The following GRID2IP variants were observed in gnomAD, a reference collection of about 807,000 sequenced individuals.
GRID2IP encodes the protein delphilin.
In GRID2IP, 78 loss-of-function variants were observed where a neutral mutation model predicts 114.3. That is an observed-to-expected ratio of 0.68 (90% CI 0.57 to 0.82). The LOEUF is 0.82. GRID2IP is among the 40% of genes least tolerant of loss of function. The probability of loss-of-function intolerance (pLI) is 0.00; values close to 1 mark genes in which losing one functional copy is unlikely to be tolerated. For synonymous variants in GRID2IP, 809 were observed against 724.0 expected (o/e 1.12, Z -1.89); for missense variants, 1,727 against 1,678.5 (o/e 1.03, Z -0.51).
intron 2 of GRID2IP, among the ~76,000 whole-genome samples, chr7:6,533,646 G>A (rs1779674494): frequency 6.6e-6 from 1 of 151,216 alleles, no homozygotes; most frequent in Non-Finnish European, 1.5e-5. Flanking sequence ...TTACAGGCAG[G>A]CACCACTGCC....
At chr7:6,510,256 A>AG in intron 11 of GRID2IP, 27 bp downstream of exon 11, 1 of 1,430,866 alleles carries the variant, frequency 7.0e-7, no homozygotes, top group Non-Finnish European at 9.6e-7. Flanking sequence ...ACACCCAGAC[A>AG]GTAGATGACA....
At chr7:6,535,781 T>C (rs535400916) in intron 2 of GRID2IP, among the ~76,000 whole-genome samples, 9 of 152,192 alleles carry the variant, frequency 5.9e-5, no homozygotes, top group Middle Eastern at 3.4e-3. Flanking sequence ...TCCCCTCTAC[T>C]CCCTGTTGGG....
intron 1 of GRID2IP, among the ~76,000 whole-genome samples, chr7:6,543,186 G>A (rs1445307045): frequency 6.6e-6 from 1 of 152,120 alleles, no homozygotes; most frequent in Non-Finnish European, 1.5e-5. Flanking sequence ...TCTGAAGTTA[G>A]GAGTTCGAGA....
chr7:6,538,281 A>G (rs1779759604), intron 2 of GRID2IP, among the ~76,000 whole-genome samples: 1 of 152,184 alleles, frequency 6.6e-6, no homozygotes, highest in Non-Finnish European at 1.5e-5. Context: ...CAGGAGGATC[A>G]CTTGAGCCCA....
At chr7:6,535,566 A>G (rs1175276377) in intron 2 of GRID2IP, among the ~76,000 whole-genome samples, 1 of 149,606 alleles carries the variant, frequency 6.7e-6, no homozygotes, top group East Asian at 2.0e-4. Context: ...TCAACCTCTC[A>G]CTTAAACCTT....
chr7:6,512,231 C>CTTGTTTTTTTTTTTTT (rs1157560127), intron 8 of GRID2IP, among the ~76,000 whole-genome samples: 1 of 90,196 alleles, frequency 1.1e-5, no homozygotes, highest in African/African-American at 4.6e-5. Context: ...TTCTTTTCTT[C>CTTGTTTTTTTTTTTTT]TTTTTTTTTT....
At position 6,526,257 on chromosome 7, in the gene GRID2IP, G is replaced by A; in HGVS notation, c.886C>T (p.His296Tyr). 1 of 1,551,944 alleles carries A rather than the reference G, an allele frequency of 6.4e-7. No homozygotes were observed. The highest frequency in any genetic ancestry group is 8.7e-7 in the Non-Finnish European group (1 of 1,147,014). The change falls in exon 4 of 22, where the codon CAC becomes TAC. Residue 296 changes from histidine (H) to tyrosine (Y), a missense_variant. Coordinates refer to ENST00000457091, the MANE Select transcript of GRID2IP (RefSeq NM_001145118.2). This position sits in a 1 kb window ranked among gnomAD's most constrained non-coding sequence, Gnocchi z 7.6. The stretch of plus-strand genomic sequence containing the variant: ...ACAGACTCGATCCAGACAGGCCCGT[G>A]GCCGCGAAGTGTGAAGCCGAAGCTC... Reference protein sequence around the residue: ...NKSFGFTLRGHGPVWIESVLP... With the variant: ...NKSFGFTLRGYGPVWIESVLP...
chr7:6,499,492 A>G (rs147888555), intron 20 of GRID2IP, among the ~76,000 whole-genome samples: 3,881 of 152,276 alleles, frequency 0.025, 75 homozygotes, highest in Middle Eastern at 0.054. Flanking sequence ...GTGCAATGGC[A>G]TGATCTCGGC....
chr7:6,521,322 G>T lies in GRID2IP; in HGVS notation c.1084+107C>A. The T allele has an allele frequency of 2.7e-6, 2 of 745,170 alleles. No individual in the cohort carries two copies. The highest frequency in any genetic ancestry group is 4.3e-6 in the Non-Finnish European group (2 of 468,538). 46.2% of individuals were successfully genotyped at this position (745,170 alleles called of 1,614,324 possible). A position where few individuals can be genotyped will look rare whatever the true frequency, so the allele number is the denominator to read the frequency against. ...GGAGGCAGCCCCGGGGAGGCAAGCTGCAGGTTTAGGGGAAGAGCTGAGTCC... is the reference window on the plus strand; with the variant it reads ...GGAGGCAGCCCCGGGGAGGCAAGCTTCAGGTTTAGGGGAAGAGCTGAGTCC... On this transcript the variant is annotated intron_variant, in intron 6 of 21. Coordinates refer to ENST00000457091, the MANE Select transcript of GRID2IP (RefSeq NM_001145118.2). The surrounding 1 kb of genome is among the most constrained non-coding windows in gnomAD (Gnocchi z 4.1).
In GRID2IP at chr7:6,526,476, C is replaced by T; in HGVS notation, c.833+45G>A. On this transcript the variant is annotated intron_variant, in intron 3 of 21. Coordinates refer to ENST00000457091, the MANE Select transcript of GRID2IP (RefSeq NM_001145118.2). This position sits in a 1 kb window ranked among gnomAD's most constrained non-coding sequence, Gnocchi z 7.6. ...TCCCCGGGTCTCGGTCCCGAGCCCA[C>T]CCGCAGGGAGGCGCCCGCTGCCAGT... 1.4e-6 allele frequency: 2 copies of T among 1,391,200 alleles called. No homozygotes were observed. Among genetic ancestry groups the T allele is most frequent in the Non-Finnish European group, 1.9e-6 (2 of 1,073,192 alleles). The allele number at this position is 1,391,200 out of a possible 1,614,324, so 86.2% of individuals were successfully genotyped here.
At chr7:6,514,020 G>A (rs542257445) in intron 8 of GRID2IP, among the ~76,000 whole-genome samples, 40 of 151,434 alleles carry the variant, frequency 2.6e-4, no homozygotes, top group African/African-American at 8.7e-4. Context: ...TTGGGAGGCC[G>A]AGGTGGGTGG....
chr7:6,524,644 C>T (rs1779474606), intron 4 of GRID2IP, among the ~76,000 whole-genome samples: 1 of 151,998 alleles, frequency 6.6e-6, no homozygotes, highest in Non-Finnish European at 1.5e-5. Flanking sequence ...CCCTTAAGCC[C>T]AGGAGTTGGA....
At position 6,537,370 on chromosome 7, in the gene GRID2IP, C is replaced by CTTTT. The variant is rs772469574; in HGVS notation, c.584+2344_584+2347dup. ...ACCAGCCTGGCAAATATGGTGAGAC[C>CTTTT]TTTTTTTTTTTTTTTTTTTTTTTTT... On this transcript the variant is annotated intron_variant, in intron 2 of 21. Transcript: ENST00000457091. 4.1e-3 allele frequency among the ~76,000 whole-genome samples: 238 copies of CTTTT among 58,364 alleles called. 4 individuals are homozygous for CTTTT. Among genetic ancestry groups the CTTTT allele is most frequent in the Non-Finnish European group, 4.5e-3 (146 of 32,524 alleles). 38.3% of individuals were successfully genotyped at this position (58,364 alleles called of 152,430 possible).
At chr7:6,510,177 G>C in intron 11 of GRID2IP, 106 bp downstream of exon 11, 1 of 670,560 alleles carries the variant, frequency 1.5e-6, no homozygotes, top group East Asian at 3.1e-5. Flanking sequence ...GCCATGGGAG[G>C]GACTGGGACA....
rs939765293 is a variant in GRID2IP, at chr7:6,507,593, T to C, written c.2544+392A>G. ...GTAGTGAGTTCCCCACCACTGAAGG[T>C]GTTCAAGCATACACTGCCAGTGTTG... On this transcript the variant is annotated intron_variant, in intron 13 of 21. Coordinates refer to ENST00000457091, the MANE Select transcript of GRID2IP (RefSeq NM_001145118.2). This position sits in a 1 kb window ranked among gnomAD's most constrained non-coding sequence, Gnocchi z 5.3. Among the ~76,000 whole-genome samples, 1 of 152,162 alleles carries C rather than the reference T, an allele frequency of 6.6e-6. No homozygotes were observed. The highest frequency in any genetic ancestry group is 1.5e-5 in the Non-Finnish European group (1 of 68,008).
At position 6,551,168 on chromosome 7, in the gene GRID2IP, C is replaced by T. The variant is rs559382167; in HGVS notation, c.269G>A (p.Gly90Asp). Residue 90 changes from glycine to aspartate, a missense_variant, in exon 1 of 22, where the codon GGC becomes GAC. Transcript: ENST00000457091. ...GVLPAPDGGP[G>D]PGSGPAAPTT... ...CGGGGCCGCGGGGCCGGATCCTGGG[C>T]CGGGGCCACCGTCGGGAGCCGGGAG... 104 of 1,359,028 alleles carry T rather than the reference C, an allele frequency of 7.7e-5. No individual in the cohort carries two copies. In the African/African-American group the frequency reaches 1.5e-3, roughly 20 times the overall value. The allele number at this position is 1,359,028 out of a possible 1,614,324, so 84.2% of individuals were successfully genotyped here. A position where few individuals can be genotyped will look rare whatever the true frequency, so the allele number is the denominator to read the frequency against.
chr7:6,510,536 C>T, intron 10 of GRID2IP, 73 bp downstream of exon 10: 1 of 1,352,252 alleles, frequency 7.4e-7, no homozygotes, highest in Non-Finnish European at 1.0e-6. Context: ...CCTGGGTCTC[C>T]TGGGCCCAGT....
chr7:6,497,051 G>A lies in GRID2IP; in HGVS notation c.*723C>T, dbSNP rs1353144158. Among the ~76,000 whole-genome samples, 2 of 152,120 alleles carry A rather than the reference G, an allele frequency of 1.3e-5. No individual in the cohort carries two copies. The highest frequency in any genetic ancestry group is 1.5e-5 in the Non-Finnish European group (1 of 68,020). ...GTCTGGCAGTTGGCCACCAGATCCT[G>A]CTCACCTCCTGCCTCAACACCTCCC... On this transcript the variant is annotated 3_prime_UTR_variant, in exon 22 of 22. Coordinates refer to ENST00000457091, the MANE Select transcript of GRID2IP (RefSeq NM_001145118.2).
chr7:6,539,919 A>T, intron 1 of GRID2IP, 47 bp from the exon 2 acceptor site: 1 of 1,491,216 alleles, frequency 6.7e-7, no homozygotes, highest in Non-Finnish European at 9.1e-7. Context: ...CCAGAGTGGA[A>T]CCCTGGAGAA....
Sources: allele counts gnomAD v4.1 joint callset (sites outside exome capture counted in the v4.1 genomes callset), GRCh38; gene constraint gnomAD v4.1.1; non-coding constraint Gnocchi (gnomAD v3.1); transcripts MANE v1.5; gene names NCBI Gene and HGNC (gene_info 2026-07-23, HGNC 2026-07-21).